NETO1: variants seen among roughly 807,000 people sequenced by gnomAD.
NETO1 encodes neuropilin and tolloid like 1.
NETO1 carries 26 observed loss-of-function variants against 61.3 expected under a neutral mutation model. The observed-to-expected ratio is 0.42, with a 90% confidence interval of 0.31 to 0.59. The LOEUF (loss-of-function observed/expected upper bound fraction) is 0.59. NETO1 is among the 20% of genes least tolerant of loss of function. The probability of loss-of-function intolerance (pLI) is 0.12; values close to 1 mark genes in which losing one functional copy is unlikely to be tolerated. For missense variants in NETO1, 531 were observed against 662.8 expected (o/e 0.80, Z 2.18); for synonymous variants, 225 against 225.8 (o/e 1.00, Z 0.03).
chr18:72,785,853 C>T (rs1049147107), intron 6 of NETO1, among the ~76,000 whole-genome samples: 7 of 152,168 alleles, frequency 4.6e-5, no homozygotes, highest in South Asian at 2.1e-4. Context: ...GACAGTTCAA[C>T]GGTTGCACAT....
chr18:72,773,683 C>T (rs2071451873), intron 7 of NETO1, among the ~76,000 whole-genome samples: 3 of 152,130 alleles, frequency 2.0e-5, no homozygotes, highest in African/African-American at 7.2e-5. Flanking sequence ...ATTCTCTCTC[C>T]TGCTGCCCTG....
At chr18:72,829,601 CTAT>C (rs1161245374) in intron 4 of NETO1, among the ~76,000 whole-genome samples, 9 of 152,130 alleles carry the variant, frequency 5.9e-5, no homozygotes, top group Admixed American at 5.9e-4. Flanking sequence ...TAAAATAGTT[CTAT>C]GCTTGGTTTA....
At chr18:72,867,014 G>A (rs1463490079) in intron 1 of NETO1, 2 of 452,716 alleles carry the variant, frequency 4.4e-6, no homozygotes, top group African/African-American at 2.0e-5. Flanking sequence ...CTCCACCCCC[G>A]GGGGGTTCCT....
Position 72,837,727 on chromosome 18 carries a change from G to T in NETO1, c.469+21099C>A, listed in dbSNP as rs145255980. 7.2e-4 allele frequency among the ~76,000 whole-genome samples: 109 copies of T among 152,214 alleles called. 1 individual carries two copies. Among genetic ancestry groups the T allele is most frequent in the Non-Finnish European group, 3.7e-4 (25 of 68,012 alleles). ...CCAATTATATGCTCTGGCTAATGTA[G>T]AATTTCCTTTTCCTTGTCCTTGAAT... On this transcript the variant is annotated intron_variant, in intron 4 of 10. Transcript: ENST00000327305.
intron 6 of NETO1, among the ~76,000 whole-genome samples, chr18:72,784,470 CAT>C (rs1181229484): frequency 6.6e-6 from 1 of 152,038 alleles, no homozygotes; most frequent in African/African-American, 2.4e-5. Context: ...CCATTCATGC[CAT>C]ATATAGACAA....
At chr18:72,812,389 G>T (rs549023055) in intron 4 of NETO1, among the ~76,000 whole-genome samples, 1 of 151,974 alleles carries the variant, frequency 6.6e-6, no homozygotes, top group Non-Finnish European at 1.5e-5. Flanking sequence ...GGACCAACAC[G>T]TCCAAAATTT....
chr18:72,766,136 G>A lies in NETO1; in HGVS notation c.869-9989C>T, dbSNP rs138338530. On this transcript the variant is annotated intron_variant, in intron 7 of 10. Transcript: ENST00000327305. ...GGGGAGAATCGTTTGAACCCAGGAG[G>A]TGGAGGTTGCAGTGAGTCGAGATTG... Among the ~76,000 whole-genome samples the A allele has an allele frequency of 3.7e-3, 556 of 151,988 alleles. 13 individuals are homozygous for A. The South Asian group carries it at 0.067, about 18-fold the overall frequency.
intron 4 of NETO1, among the ~76,000 whole-genome samples, chr18:72,851,257 C>T (rs1361483342): frequency 6.6e-6 from 1 of 151,920 alleles, no homozygotes; most frequent in East Asian, 1.9e-4. Context: ...ACTAAAAATA[C>T]AAAATTAGCC....
At chr18:72,824,710 C>CAAA (rs10694713) in intron 4 of NETO1, among the ~76,000 whole-genome samples, 42,928 of 144,210 alleles carry the variant, frequency 0.3, 6,784 homozygotes, top group Middle Eastern at 0.37. Context: ...ACTTAAAATA[C>CAAA]AAAAAAAAAA....
At chr18:72,801,128 T>C (rs2072491651) in intron 4 of NETO1, among the ~76,000 whole-genome samples, 1 of 152,214 alleles carries the variant, frequency 6.6e-6, no homozygotes, top group South Asian at 2.1e-4. Flanking sequence ...AAAAAATTCC[T>C]ACAGACTCTG....
At chr18:72,799,228 A>G (rs1289246793) in intron 4 of NETO1, among the ~76,000 whole-genome samples, 1 of 152,230 alleles carries the variant, frequency 6.6e-6, no homozygotes, top group East Asian at 1.9e-4. Context: ...AGATGAACTG[A>G]TGAAATGGCA....
intron 4 of NETO1, among the ~76,000 whole-genome samples, chr18:72,856,460 A>G (rs2074412861): frequency 6.6e-6 from 1 of 152,222 alleles, no homozygotes; most frequent in African/African-American, 2.4e-5. Flanking sequence ...GCACATGATA[A>G]AACTAATAAA....
intron 7 of NETO1, among the ~76,000 whole-genome samples, chr18:72,772,759 C>CTATATCTATATA (rs1485448435): frequency 2.0e-5 from 2 of 102,320 alleles, no homozygotes; most frequent in African/African-American, 3.6e-5. Flanking sequence ...CTATATATAT[C>CTATATCTATATA]TATATATATA....
intron 7 of NETO1, among the ~76,000 whole-genome samples, chr18:72,766,847 A>G (rs887249554): frequency 6.6e-6 from 1 of 152,144 alleles, no homozygotes; most frequent in African/African-American, 2.4e-5. Context: ...CCATTATTTT[A>G]TCTTCCCTAG....
chr18:72,792,635 G>GA (rs1051078555), intron 6 of NETO1, among the ~76,000 whole-genome samples: 19 of 150,208 alleles, frequency 1.3e-4, no homozygotes, highest in Admixed American at 3.3e-4. Context: ...TTCTTTGCAG[G>GA]AAAAAAAACA....
chr18:72,859,589 C>A (rs977131310), intron 3 of NETO1, among the ~76,000 whole-genome samples: 2 of 152,208 alleles, frequency 1.3e-5, no homozygotes, highest in South Asian at 2.1e-4. Context: ...TGATCACATC[C>A]CTCTCAGGTT....
chr18:72,761,221 C>A (rs980984303), intron 7 of NETO1, among the ~76,000 whole-genome samples: 1 of 152,124 alleles, frequency 6.6e-6, no homozygotes, highest in Admixed American at 6.6e-5. Flanking sequence ...TAAGACTACA[C>A]GAGAATGCAT....
chr18:72,770,410 AT>A (rs903648189), intron 7 of NETO1, among the ~76,000 whole-genome samples: 8 of 151,922 alleles, frequency 5.3e-5, no homozygotes, highest in Admixed American at 3.3e-4. Flanking sequence ...GAATATGGTG[AT>A]TTTTTTCTTA....
intron 7 of NETO1, among the ~76,000 whole-genome samples, chr18:72,762,891 T>C (rs990818707): frequency 1.3e-5 from 2 of 152,180 alleles, no homozygotes; most frequent in Non-Finnish European, 2.9e-5. Flanking sequence ...ATTTTAGTCA[T>C]GTAGGAGAAG....
Sources: gnomAD v4.1 joint callset for allele counts (sites outside exome capture counted in the v4.1 genomes callset) on GRCh38, gnomAD v4.1.1 for gene constraint, MANE v1.5 for transcripts, NCBI Gene and HGNC (gene_info 2026-07-23, HGNC 2026-07-21) for gene names.